Variants in DLGAP4 observed in about 807,000 individuals in gnomAD.
The protein encoded by DLGAP4 is DLG associated protein 4, also known as disks large-associated protein 4.
In DLGAP4, 18 loss-of-function variants were observed where a neutral mutation model predicts 86.9. That is an observed-to-expected ratio of 0.21 (90% CI 0.14 to 0.31). The LOEUF is 0.31. Among genes scored for constraint, DLGAP4 ranks in the 10% least tolerant of loss-of-function variants. The pLI is 1.00. For missense variants in DLGAP4, 1,085 were observed against 1,362.6 expected (o/e 0.80, Z 3.21); for synonymous variants, 548 against 574.3 (o/e 0.95, Z 0.65).
chr20:36,512,665 G>A (rs954839333), intron 10 of DLGAP4: 1 of 152,462 alleles, frequency 6.6e-6, no homozygotes, highest in African/African-American at 2.4e-5. Context: ...GGTCGGTGTT[G>A]CTGTTGCATT....
intron 7 of DLGAP4, among the ~76,000 whole-genome samples, chr20:36,451,642 C>A (rs530198281): frequency 6.6e-6 from 1 of 151,900 alleles, no homozygotes; most frequent in Non-Finnish European, 1.5e-5. Flanking sequence ...TGAGCCACCA[C>A]GCCTGGCTCT....
intron 7 of DLGAP4, among the ~76,000 whole-genome samples, chr20:36,476,074 G>C (rs2034902299): frequency 6.6e-6 from 1 of 151,912 alleles, no homozygotes; most frequent in Non-Finnish European, 1.5e-5. Flanking sequence ...GGCCAGGCTG[G>C]TCTCAAACTC....
At position 36,528,556 on chromosome 20, in the gene DLGAP4, C is replaced by T. The variant is rs549810199; in HGVS notation, c.*1525C>T. The T allele has an allele frequency of 6.5e-6, 1 of 152,844 alleles. No individual in the cohort carries two copies. Among genetic ancestry groups the T allele is most frequent in the Non-Finnish European group, 1.5e-5 (1 of 68,140 alleles). The allele number at this position is 152,844 out of a possible 1,614,324, so 9.5% of individuals were successfully genotyped here. ...CTTGACCTCTGTGTGCCTCAACTTC[C>T]TCCTCTGTAAAACGGGGACAGTCCC... is the stretch of plus-strand genomic sequence containing the variant. On this transcript the variant is annotated 3_prime_UTR_variant, in exon 13 of 13. Coordinates refer to ENST00000339266, the MANE Select transcript of DLGAP4 (RefSeq NM_001365621.2).
intron 10 of DLGAP4, among the ~76,000 whole-genome samples, chr20:36,523,369 T>C (rs1163791366): frequency 1.3e-5 from 2 of 152,220 alleles, no homozygotes; most frequent in East Asian, 3.8e-4. Context: ...GACTTCTCGA[T>C]TAGGATATTT....
At chr20:36,512,789 G>A (rs1306323613) in intron 10 of DLGAP4, 1 of 152,260 alleles carries the variant, frequency 6.6e-6, no homozygotes, top group African/African-American at 2.4e-5. Context: ...GGCAGAGGGA[G>A]CAGCACCTGA....
chr20:36,347,222 G>A (rs1220300783), intron 1 of DLGAP4, among the ~76,000 whole-genome samples: 1 of 152,212 alleles, frequency 6.6e-6, no homozygotes, highest in Non-Finnish European at 1.5e-5. Context: ...GCCTGGGCCA[G>A]AGGGTCATTC....
chr20:36,349,923 CT>C, intron 1 of DLGAP4, among the ~76,000 whole-genome samples: 1 of 152,208 alleles, frequency 6.6e-6, no homozygotes. Context: ...CTGTCCTCCC[CT>C]GACTGCCATA....
chr20:36,329,187 T>C (rs782415898), intron 1 of DLGAP4, among the ~76,000 whole-genome samples: 6 of 152,134 alleles, frequency 3.9e-5, no homozygotes, highest in Admixed American at 6.6e-5. Flanking sequence ...TGGGATTACA[T>C]GCGTGAGTCA....
At chr20:36,443,397 TAC>T (rs2033504823) in intron 6 of DLGAP4, among the ~76,000 whole-genome samples, 1 of 152,010 alleles carries the variant, frequency 6.6e-6, no homozygotes, top group African/African-American at 2.4e-5. Flanking sequence ...GCAGGAAAGG[TAC>T]TCTGAGATCA....
At chr20:36,501,482 C>G (rs1312563468) in intron 10 of DLGAP4, among the ~76,000 whole-genome samples, 1 of 152,212 alleles carries the variant, frequency 6.6e-6, no homozygotes, top group Non-Finnish European at 1.5e-5. Flanking sequence ...CTATATCATG[C>G]CAATTTCCAA....
At chr20:36,381,446 C>G (rs1056752048) in intron 2 of DLGAP4, among the ~76,000 whole-genome samples, 2 of 152,318 alleles carry the variant, frequency 1.3e-5, no homozygotes, top group South Asian at 2.1e-4. Flanking sequence ...AAGAAATACC[C>G]ACTAGTGGCC....
At chr20:36,410,320 G>A (rs1033628683) in intron 2 of DLGAP4, among the ~76,000 whole-genome samples, 1 of 152,154 alleles carries the variant, frequency 6.6e-6, no homozygotes, top group Non-Finnish European at 1.5e-5. Context: ...AAGTGCTGGG[G>A]TGTTCATTTC....
At chr20:36,363,197 G>A (rs1277005164) in intron 1 of DLGAP4, among the ~76,000 whole-genome samples, 4 of 152,182 alleles carry the variant, frequency 2.6e-5, no homozygotes, top group Non-Finnish European at 5.9e-5. Flanking sequence ...TGGTATATTT[G>A]AGGAACAGCC....
chr20:36,495,533 C>G (rs1185068925), intron 7 of DLGAP4, among the ~76,000 whole-genome samples: 3 of 152,224 alleles, frequency 2.0e-5, no homozygotes, highest in Admixed American at 2.0e-4. Flanking sequence ...CAGCAAACAG[C>G]TACTGTTGGA....
intron 2 of DLGAP4, among the ~76,000 whole-genome samples, chr20:36,377,464 G>T (rs548649001): frequency 4.6e-4 from 70 of 152,310 alleles, no homozygotes; most frequent in Middle Eastern, 6.8e-3. Context: ...TCCAAATAAA[G>T]TGCTTAACCC....
chr20:36,510,743 G>C (rs1193770518), intron 10 of DLGAP4: 1 of 151,962 alleles, frequency 6.6e-6, no homozygotes, highest in East Asian at 1.9e-4. Flanking sequence ...TTCTAGTAGA[G>C]ATGGGGTTTC....
chr20:36,436,825 AAAAAG>A (rs1317117559), intron 4 of DLGAP4, among the ~76,000 whole-genome samples: 2 of 150,838 alleles, frequency 1.3e-5, no homozygotes, highest in Non-Finnish European at 1.5e-5. Flanking sequence ...CAAAAAAAAA[AAAAAG>A]AAAGAAAGAA....
chr20:36,500,452 G>A lies in DLGAP4; in HGVS notation c.2353G>A (p.Glu785Lys), dbSNP rs745719258. The change falls in exon 10 of 13, where the codon GAG becomes AAG. Residue 785 changes from glutamate (E) to lysine (K), a missense_variant. Glu to Lys is a moderately conservative substitution (Grantham distance 56, BLOSUM62 1). This residue lies in a region of DLGAP4 where 1,082 missense variants were observed against 1,344.1 expected (regional missense o/e 0.81). Coordinates refer to ENST00000339266, the MANE Select transcript of DLGAP4 (RefSeq NM_001365621.2). The surrounding 1 kb of genome is among the most constrained non-coding windows in gnomAD (Gnocchi z 4.6). ...GCTGCCCCCACCCGACCCCTGGCTCGAGACCTCCTCCAGCTCCCCAGCAGA... is the reference window on the plus strand; with the variant it reads ...GCTGCCCCCACCCGACCCCTGGCTCAAGACCTCCTCCAGCTCCCCAGCAGA... ...SSLPPPDPWLETSSSSPAEPA... is the reference protein window; with the variant it reads ...SSLPPPDPWLKTSSSSPAEPA... 14 of 1,584,048 alleles carry A rather than the reference G, an allele frequency of 8.8e-6. No individual in the cohort carries two copies. Among genetic ancestry groups the A allele is most frequent in the South Asian group, 2.3e-5 (2 of 86,988 alleles).
intron 10 of DLGAP4, chr20:36,508,305 C>G (rs117341283): frequency 0.029 from 4,426 of 152,140 alleles, 86 homozygotes; most frequent in Middle Eastern, 0.088. Flanking sequence ...TTATATTGAA[C>G]GCTATGTCTT....
Sources: gnomAD v4.1 joint callset for allele counts (sites outside exome capture counted in the v4.1 genomes callset) on GRCh38, gnomAD v4.1.1 for gene constraint, gnomAD v4.1.1 regional missense constraint, Gnocchi (gnomAD v3.1) non-coding constraint, MANE v1.5 for transcripts, NCBI Gene and HGNC (gene_info 2026-07-23, HGNC 2026-07-21) for gene names.